C13orf42: variants seen among roughly 807,000 people sequenced by gnomAD.
The protein encoded by C13orf42 is uncharacterized protein C13orf42.
At chr13:51,114,154 A>G (rs1045354076), upstream of C13orf42, among the ~76,000 whole-genome samples, 12 of 152,204 alleles carry the variant, frequency 7.9e-5, no homozygotes, top group African/African-American at 2.9e-4. Flanking sequence ...CTGCTCCTAG[A>G]TGAGCCTGGT....
At chr13:51,167,193 T>A (rs1869128457) in intron 1 of C13orf42, among the ~76,000 whole-genome samples, 1 of 152,062 alleles carries the variant, frequency 6.6e-6, no homozygotes, top group Admixed American at 6.5e-5. Context: ...AGGAAACCCA[T>A]CAGTAGTTTG....
At position 51,137,682 on chromosome 13, in the gene C13orf42, T is replaced by C. The variant is rs564983157; in HGVS notation, n.137-24460A>G. On this transcript the variant is annotated intron_variant and non_coding_transcript_variant, in intron 1 of 4. Coordinates refer to the C13orf42 transcript ENST00000433280. ...CTCCTCCTTTCCTCTTTCTTTCATA[T>C]TAGCATTTTAAAATAACACACTTTT... 2.0e-5 allele frequency among the ~76,000 whole-genome samples: 3 copies of C among 152,298 alleles called. No homozygotes were observed. In the East Asian group the frequency reaches 5.8e-4, roughly 29 times the overall value.
chr13:51,150,054 G>A (rs964447684), intron 1 of C13orf42, among the ~76,000 whole-genome samples: 6 of 152,204 alleles, frequency 3.9e-5, no homozygotes, highest in African/African-American at 9.6e-5. Flanking sequence ...AGAATTTTCC[G>A]TAGATATAAA....
At chr13:51,101,846 G>T (rs1953296167) in intron 1 of C13orf42, among the ~76,000 whole-genome samples, 1 of 152,236 alleles carries the variant, frequency 6.6e-6, no homozygotes, top group African/African-American at 2.4e-5. Flanking sequence ...TTCCCAGGAA[G>T]TGCTGTCTCT....
Position 51,157,438 on chromosome 13 carries a change from G to GATAAA in C13orf42, n.136+14810_136+14814dup, listed in dbSNP as rs140215536. 5.5e-3 allele frequency among the ~76,000 whole-genome samples: 836 copies of GATAAA among 151,914 alleles called. 4 individuals are homozygous for GATAAA. Among genetic ancestry groups the GATAAA allele is most frequent in the African/African-American group, 0.016 (666 of 41,334 alleles). On this transcript the variant is annotated intron_variant and non_coding_transcript_variant, in intron 1 of 4. Transcript: ENST00000433280. Reference sequence around the variant, plus strand: ...GACAGAGCGAGACTCCATCTCAAAAGATAAAATAAAATAAAATAAAATAAA... The same window carrying GATAAA: ...GACAGAGCGAGACTCCATCTCAAAAGATAAAATAAAATAAAATAAAATAAAATAAA...
At chr13:51,119,570 C>A (rs1953517049) in intron 1 of C13orf42, among the ~76,000 whole-genome samples, 1 of 152,106 alleles carries the variant, frequency 6.6e-6, no homozygotes. Flanking sequence ...TAGCACCCAG[C>A]CTTAAAAGGG....
chr13:51,147,586 G>A (rs1378605238), intron 1 of C13orf42, among the ~76,000 whole-genome samples: 3 of 152,190 alleles, frequency 2.0e-5, no homozygotes, highest in Non-Finnish European at 4.4e-5. Flanking sequence ...AAAATTAGCC[G>A]GGCATGATGG....
chr13:51,100,816 T>G (rs61423497), intron 1 of C13orf42, among the ~76,000 whole-genome samples: 5,080 of 152,286 alleles, frequency 0.033, 264 homozygotes, highest in African/African-American at 0.11. Context: ...AATCACACTT[T>G]AGGAATCTCT....
chr13:51,098,673 A>C (rs1304649731), intron 1 of C13orf42, among the ~76,000 whole-genome samples: 1 of 151,986 alleles, frequency 6.6e-6, no homozygotes, highest in Non-Finnish European at 1.5e-5. Flanking sequence ...GATATTCACA[A>C]CTCCCAATGT....
chr13:51,114,663 C>G (rs59564064), upstream of C13orf42, among the ~76,000 whole-genome samples: 155 of 89,318 alleles, frequency 1.7e-3, no homozygotes, highest in Middle Eastern at 0.011. Context: ...GACAGACAGA[C>G]AGACAGACAG....
intron 1 of C13orf42, among the ~76,000 whole-genome samples, chr13:51,147,727 T>TAAAAAAAAAACAAA (rs1953748686): frequency 6.7e-6 from 1 of 149,746 alleles, no homozygotes. Flanking sequence ...AGACTGTGTC[T>TAAAAAAAAAACAAA]CAAAAAAAAA....
At chr13:51,114,471 A>G (rs1223591684), upstream of C13orf42, among the ~76,000 whole-genome samples, 1 of 152,098 alleles carries the variant, frequency 6.6e-6, no homozygotes, top group African/African-American at 2.4e-5. Flanking sequence ...CTCTTTTTTA[A>G]GATTCCACAT....
intron 1 of C13orf42, among the ~76,000 whole-genome samples, chr13:51,093,484 A>C (rs1360532040): frequency 6.6e-6 from 1 of 152,148 alleles, no homozygotes; most frequent in African/African-American, 2.4e-5. Flanking sequence ...TTAATTATTA[A>C]ATTTAAATTT....
chr13:51,095,766 C>T (rs561870311), intron 1 of C13orf42, among the ~76,000 whole-genome samples: 16 of 152,170 alleles, frequency 1.1e-4, no homozygotes, highest in African/African-American at 3.9e-4. Context: ...GTGTTTTCCA[C>T]CTGTTCCGTT....
intron 1 of C13orf42, among the ~76,000 whole-genome samples, chr13:51,151,234 C>A (rs920013480): frequency 1.3e-5 from 2 of 152,122 alleles, no homozygotes; most frequent in African/African-American, 4.8e-5. Context: ...TCCAGATTAT[C>A]TTTCTTAAAA....
intron 1 of C13orf42, among the ~76,000 whole-genome samples, chr13:51,132,808 T>G (rs1299222073): frequency 6.6e-6 from 1 of 152,080 alleles, no homozygotes; most frequent in African/African-American, 2.4e-5. Context: ...GCATTTTAAG[T>G]CACAGGATGA....
At chr13:51,094,547 A>T (rs1953213804) in intron 1 of C13orf42, among the ~76,000 whole-genome samples, 1 of 152,136 alleles carries the variant, frequency 6.6e-6, no homozygotes, top group Admixed American at 6.5e-5. Context: ...TAAACCCACA[A>T]ATTGTATTTT....
chr13:51,102,185 C>T (rs934182941), intron 1 of C13orf42, among the ~76,000 whole-genome samples: 1 of 152,272 alleles, frequency 6.6e-6, no homozygotes, highest in East Asian at 1.9e-4. Context: ...CCCCAGCCCC[C>T]GCCAGTAACT....
chr13:51,161,082 TTTTTC>T (rs1273167402), intron 1 of C13orf42, among the ~76,000 whole-genome samples: 1 of 128,178 alleles, frequency 7.8e-6, no homozygotes, highest in Non-Finnish European at 1.8e-5. Context: ...CTTCAGGACT[TTTTTC>T]TTTTTTTTTT....
Sources: allele counts gnomAD v4.1 joint callset (sites outside exome capture counted in the v4.1 genomes callset), GRCh38; gene constraint gnomAD v4.1.1; transcripts MANE v1.5; gene names NCBI Gene and HGNC (gene_info 2026-07-23, HGNC 2026-07-21).